The following AFMID variants were observed in gnomAD, a reference collection of about 807,000 sequenced individuals.
AFMID encodes kynurenine formamidase.
AFMID carries 39 observed loss-of-function variants against 47.5 expected under a neutral mutation model. That is an observed-to-expected ratio of 0.82 (90% CI 0.64 to 1.07). AFMID has a LOEUF of 1.07. Ranked by LOEUF, AFMID falls within the 50% of genes least tolerant of loss-of-function variation. AFMID has a pLI of 0.00. For missense variants in AFMID, 375 were observed against 387.5 expected (o/e 0.97, Z 0.27); for synonymous variants, 130 against 153.2 (o/e 0.85, Z 1.12).
chr17:78,189,569 A>C (rs1371997950), intron 1 of AFMID, among the ~76,000 whole-genome samples: 1 of 146,776 alleles, frequency 6.8e-6, no homozygotes, highest in Non-Finnish European at 1.5e-5. Flanking sequence ...CTCAGGCTGG[A>C]GTGCAATGGC....
At chr17:78,190,498 A>G (rs2075936762) in intron 1 of AFMID, among the ~76,000 whole-genome samples, 1 of 151,908 alleles carries the variant, frequency 6.6e-6, no homozygotes, top group Admixed American at 6.6e-5. Context: ...GGCTTAAGCA[A>G]TTCTCCTGCC....
Position 78,198,391 on chromosome 17 carries a change from G to A in AFMID, c.155-4108G>A, listed in dbSNP as rs188548972. ...AGGCGGGGATATCACTCAAGGTCAG[G>A]AGTTCGAGACCAACCTGGCCAATAT... On this transcript the variant is annotated intron_variant, in intron 2 of 10. Coordinates refer to ENST00000409257, the MANE Select transcript of AFMID (RefSeq NM_001010982.5). 3.3e-5 allele frequency among the ~76,000 whole-genome samples: 5 copies of A among 151,648 alleles called. No individual in the cohort carries two copies. In the South Asian group the frequency reaches 6.2e-4, roughly 19 times the overall value.
chr17:78,206,141 G>A, intron 10 of AFMID, 91 bp downstream of exon 10: 1 of 1,104,788 alleles, frequency 9.1e-7, no homozygotes, highest in Non-Finnish European at 1.4e-6. Flanking sequence ...TTCAAGACCA[G>A]CCTGGCCAAC....
chr17:78,206,293 T>G (rs1474170340), intron 10 of AFMID, among the ~76,000 whole-genome samples: 1 of 141,060 alleles, frequency 7.1e-6, no homozygotes, highest in Non-Finnish European at 1.5e-5. Context: ...GAGCCAAGAT[T>G]GCACCACTGC....
intron 4 of AFMID, chr17:78,203,022 C>T: frequency 2.4e-6 from 1 of 420,160 alleles, no homozygotes; most frequent in Non-Finnish European, 4.3e-6. Flanking sequence ...CACATGTGAT[C>T]CTGGTGTTCC....
At chr17:78,193,370 CAAAAAAAAAAAA>C (rs199993168) in intron 2 of AFMID, among the ~76,000 whole-genome samples, 48 of 68,934 alleles carry the variant, frequency 7.0e-4, no homozygotes, top group Admixed American at 1.1e-3. Flanking sequence ...GACTCTGTCT[CAAAAAAAAAAAA>C]AAAAAAAAAA....
At chr17:78,194,485 G>C (rs1164993868) in intron 2 of AFMID, among the ~76,000 whole-genome samples, 1 of 152,132 alleles carries the variant, frequency 6.6e-6, no homozygotes, top group African/African-American at 2.4e-5. Context: ...ATGCCAGCCT[G>C]TTAACTTGCA....
intron 1 of AFMID, among the ~76,000 whole-genome samples, chr17:78,188,881 G>C (rs914989091): frequency 6.6e-6 from 1 of 152,150 alleles, no homozygotes; most frequent in African/African-American, 2.4e-5. Flanking sequence ...ACAGGCATGA[G>C]CCACTGCGCC....
intron 2 of AFMID, chr17:78,197,361 A>G (rs1377481718): frequency 3.0e-6 from 2 of 662,440 alleles, no homozygotes; most frequent in East Asian, 5.6e-5. Flanking sequence ...TGCAAGTGGT[A>G]TGGTAATGGA....
chr17:78,188,758 G>A (rs531951988), intron 1 of AFMID, among the ~76,000 whole-genome samples: 16 of 152,102 alleles, frequency 1.1e-4, no homozygotes, highest in African/African-American at 3.4e-4. Flanking sequence ...AACCATGCCC[G>A]GCTAATTTTT....
intron 7 of AFMID, 115 bp from the exon 8 acceptor site, chr17:78,205,325 T>C (rs2076349895): frequency 1.0e-5 from 15 of 1,441,142 alleles, no homozygotes; most frequent in South Asian, 7.0e-5. Context: ...AGCAAGGCCT[T>C]CTCTGCCTCC....
At chr17:78,201,876 A>G (rs918356112) in intron 2 of AFMID, among the ~76,000 whole-genome samples, 7 of 151,554 alleles carry the variant, frequency 4.6e-5, no homozygotes, top group East Asian at 2.0e-4. Context: ...GACTACAGGC[A>G]CCTGCCACCA....
chr17:78,192,790 G>A, intron 2 of AFMID: 1 of 368,820 alleles, frequency 2.7e-6, no homozygotes, highest in South Asian at 2.0e-5. Flanking sequence ...GTGTAGGTGA[G>A]GACGCAGCCA....
chr17:78,194,991 G>T (rs2076074267), intron 2 of AFMID, among the ~76,000 whole-genome samples: 1 of 151,844 alleles, frequency 6.6e-6, no homozygotes. Flanking sequence ...ACCGTACCCG[G>T]CCCAAAAAAA....
chr17:78,196,354 G>A lies in AFMID; in HGVS notation c.154+5294G>A, dbSNP rs377293331. ...CACTCTAGCCTGGGTGACAAAGCGA[G>A]ACCTTGTCTCAGAAAAAAAAGAAAA... On this transcript the variant is annotated intron_variant, in intron 2 of 10. Coordinates refer to ENST00000409257, the MANE Select transcript of AFMID (RefSeq NM_001010982.5). 1.9e-4 allele frequency among the ~76,000 whole-genome samples: 29 copies of A among 151,934 alleles called. No individual in the cohort carries two copies. In the South Asian group the frequency reaches 3.5e-3, roughly 18 times the overall value.
chr17:78,205,636 G>A lies in AFMID; in HGVS notation c.678G>A (p.Lys226=). Residue 226 remains lysine, a synonymous_variant, in exon 9 of 11, where the codon AAG becomes AAA. Coordinates refer to ENST00000409257, the MANE Select transcript of AFMID (RefSeq NM_001010982.5). ...CTCAGAGGAATAGCCCCCAGCTGAA[G>A]GTGGCCCAGGCACAGCCGGTGGACC... ...EDAQRNSPQL[K]VAQAQPVDPT... 1.2e-6 allele frequency: 2 copies of A among 1,613,878 alleles called. No homozygotes were observed. The highest frequency in any genetic ancestry group is 1.7e-5 in the Admixed American group (1 of 60,000).
intron 2 of AFMID, among the ~76,000 whole-genome samples, chr17:78,199,488 C>T (rs1324258544): frequency 6.6e-6 from 1 of 151,826 alleles, no homozygotes; most frequent in Non-Finnish European, 1.5e-5. Flanking sequence ...AATTCTCCTT[C>T]CTCAGCCTCC....
rs750923020 is a variant in AFMID at position 78,191,105 on chromosome 17, A to G, written c.154+45A>G. The stretch of plus-strand genomic sequence containing the variant: ...GTGGCCGCATTGGGTGTCCTTAAGC[A>G]TGTGGCAGTGATTCAGAATGCTGGG... On this transcript the variant is annotated intron_variant, in intron 2 of 10. Coordinates refer to ENST00000409257, the MANE Select transcript of AFMID (RefSeq NM_001010982.5). 6 of 1,536,242 alleles carry G rather than the reference A, an allele frequency of 3.9e-6. No homozygotes were observed. The Admixed American group carries it at 6.9e-5, about 18-fold the overall frequency.
intron 2 of AFMID, among the ~76,000 whole-genome samples, chr17:78,195,939 A>T (rs34862175): frequency 6.6e-6 from 1 of 151,786 alleles, no homozygotes; most frequent in Non-Finnish European, 1.5e-5. Flanking sequence ...TCCGCCTCCC[A>T]GGTTCACGCC....
Sources: gnomAD v4.1 joint callset for allele counts (sites outside exome capture counted in the v4.1 genomes callset) on GRCh38, gnomAD v4.1.1 for gene constraint, MANE v1.5 for transcripts, NCBI Gene and HGNC (gene_info 2026-07-23, HGNC 2026-07-21) for gene names.